MEGF10: variants seen among roughly 807,000 people sequenced by gnomAD.
MEGF10 encodes the protein multiple epidermal growth factor-like domains protein 10.
MEGF10 carries 86 observed loss-of-function variants against 147.5 expected under a neutral mutation model. The ratio of observed to expected loss-of-function variants is 0.58; its 90% CI spans 0.49 to 0.70. The LOEUF (loss-of-function observed/expected upper bound fraction) is 0.70. Ranked by LOEUF, MEGF10 falls within the 30% of genes least tolerant of loss-of-function variation. The pLI is 0.00. For missense variants in MEGF10, 1,329 were observed against 1,487.3 expected (o/e 0.89, Z 1.75); for synonymous variants, 478 against 525.5 (o/e 0.91, Z 1.24).
intron 13 of MEGF10, among the ~76,000 whole-genome samples, chr5:127,429,802 C>T (rs1765335037): frequency 6.6e-6 from 1 of 152,182 alleles, no homozygotes; most frequent in Non-Finnish European, 1.5e-5. Flanking sequence ...TTCCCAGGCT[C>T]AACATCTTCT....
chr5:127,343,018 G>A (rs771067122), intron 4 of MEGF10, among the ~76,000 whole-genome samples: 1 of 151,998 alleles, frequency 6.6e-6, no homozygotes, highest in Non-Finnish European at 1.5e-5. Flanking sequence ...GTTCTTGGAG[G>A]TGACTCCCAG....
At chr5:127,402,522 T>C (rs1764171426) in intron 7 of MEGF10, 24 bp from the exon 8 acceptor site, 1 of 1,603,852 alleles carries the variant, frequency 6.2e-7, no homozygotes, top group African/African-American at 1.3e-5. Flanking sequence ...GCCCATCTAA[T>C]TTTCCAAGTC....
chr5:127,262,301 A>AG, the MEGF10 span, among the ~76,000 whole-genome samples: 1 of 152,166 alleles, frequency 6.6e-6, no homozygotes, highest in Non-Finnish European at 1.5e-5. Flanking sequence ...GATGGAAGGA[A>AG]GGGGTCCAAC....
At chr5:127,420,251 C>A in intron 12 of MEGF10, 44 bp downstream of exon 12, 1 of 1,589,530 alleles carries the variant, frequency 6.3e-7, no homozygotes, top group South Asian at 1.1e-5. Context: ...CTATGAGGAA[C>A]TGATGTTGTA....
chr5:127,405,555 A>G (rs542988184), intron 8 of MEGF10, among the ~76,000 whole-genome samples: 44 of 152,240 alleles, frequency 2.9e-4, no homozygotes, highest in African/African-American at 9.6e-4. Flanking sequence ...ATCATCTACA[A>G]ATAAACATAA....
At chr5:127,325,633 T>C (rs889654605) in intron 1 of MEGF10, among the ~76,000 whole-genome samples, 7 of 152,016 alleles carry the variant, frequency 4.6e-5, no homozygotes, top group African/African-American at 1.7e-4. Context: ...CCATTTTCCA[T>C]GTGGGGCTGT....
In MEGF10 at chr5:127,335,787, A is replaced by G. The variant is rs192256998; in HGVS notation, c.117-3333A>G. ...TAAAACCTCCTGGAAACTGTAAAGA[A>G]GCACAACAACATGCTGTTGGTGGTT... On this transcript the variant is annotated intron_variant, in intron 2 of 24. Coordinates refer to ENST00000503335, the MANE Select transcript of MEGF10 (RefSeq NM_001256545.2). Among the ~76,000 whole-genome samples, 161 of 152,204 alleles carry G rather than the reference A, an allele frequency of 1.1e-3. 1 individual carries two copies. The highest frequency in any genetic ancestry group is 6.6e-4 in the Non-Finnish European group (45 of 67,996).
intron 1 of MEGF10, among the ~76,000 whole-genome samples, chr5:127,319,394 C>T (rs369251701): frequency 1.3e-5 from 2 of 152,048 alleles, no homozygotes; most frequent in African/African-American, 4.8e-5. Flanking sequence ...CTTCTTTAAA[C>T]TAGTTTTTCT....
At chr5:127,410,065 T>A (rs1169608270) in intron 8 of MEGF10, among the ~76,000 whole-genome samples, 2 of 152,266 alleles carry the variant, frequency 1.3e-5, no homozygotes, top group East Asian at 3.8e-4. Flanking sequence ...TCTTAGTATC[T>A]ACTAAAGTGC....
At chr5:127,262,022 A>C in the MEGF10 span, among the ~76,000 whole-genome samples, 1 of 152,170 alleles carries the variant, frequency 6.6e-6, no homozygotes, top group African/African-American at 2.4e-5. Flanking sequence ...ACCTTGTCAG[A>C]TACATGATTT....
At position 127,460,547 on chromosome 5, in the gene MEGF10, G is replaced by C. The variant is rs1580899327; in HGVS notation, c.*3229G>C. 1 of 152,230 alleles carries C rather than the reference G, an allele frequency of 6.6e-6. No homozygotes were observed. The highest frequency in any genetic ancestry group is 2.1e-4 in the South Asian group (1 of 4,822). The allele number at this position is 152,230 out of a possible 1,614,324, so 9.4% of individuals were successfully genotyped here. A position where few individuals can be genotyped will look rare whatever the true frequency, so the allele number is the denominator to read the frequency against. On this transcript the variant is annotated 3_prime_UTR_variant, in exon 25 of 25. Transcript: ENST00000503335. The stretch of plus-strand genomic sequence containing the variant: ...CATCAGCATAATGACTGTGTGTTCT[G>C]AGAAATGCAAACAACTTTATGAAAG...
chr5:127,319,461 A>C (rs1419224684), intron 1 of MEGF10, among the ~76,000 whole-genome samples: 1 of 152,148 alleles, frequency 6.6e-6, no homozygotes. Context: ...GTCTTTGTTT[A>C]GATTCATTCA....
the MEGF10 span, among the ~76,000 whole-genome samples, chr5:127,244,907 TAA>T: frequency 3.9e-5 from 6 of 152,026 alleles, no homozygotes. Context: ...TTTAGAAATG[TAA>T]AGACATGTTT....
At chr5:127,448,433 C>T (rs575539964) in intron 21 of MEGF10, among the ~76,000 whole-genome samples, 1 of 152,304 alleles carries the variant, frequency 6.6e-6, no homozygotes, top group East Asian at 1.9e-4. Context: ...CCCAGGTCTT[C>T]CCCACAATGC....
At chr5:127,444,230 A>C (rs1765858315) in intron 19 of MEGF10, among the ~76,000 whole-genome samples, 1 of 152,238 alleles carries the variant, frequency 6.6e-6, no homozygotes, top group Admixed American at 6.5e-5. Context: ...TAGAAAATTG[A>C]TACACTGTTG....
the MEGF10 span, among the ~76,000 whole-genome samples, chr5:127,246,537 G>C: frequency 1.3e-5 from 2 of 151,496 alleles, no homozygotes; most frequent in Non-Finnish European, 2.9e-5. Context: ...AAATTACCAT[G>C]GCACATGTAT....
intron 18 of MEGF10, among the ~76,000 whole-genome samples, chr5:127,441,751 G>A (rs1765763950): frequency 1.3e-5 from 2 of 152,052 alleles, no homozygotes; most frequent in South Asian, 4.2e-4. Context: ...CATAGGAGTG[G>A]TGTGGCCTGG....
rs771074779 is a variant in MEGF10 at position 127,433,408 on chromosome 5, A to G, written c.1739A>G (p.Asn580Ser). Residue 580 changes from asparagine to serine, a missense_variant, in exon 14 of 25, where the codon AAC becomes AGC. Physicochemically the swap from Asn to Ser is conservative, Grantham distance 46. Coordinates refer to ENST00000503335, the MANE Select transcript of MEGF10 (RefSeq NM_001256545.2). ...TGTGCTGAGGGACGCTGGGGCCCCA[A>G]CTGCTCCCTGCCCTGCTACTGTAAA... Reference protein sequence around the residue: ...SVCAEGRWGPNCSLPCYCKNG... With the variant: ...SVCAEGRWGPSCSLPCYCKNG... 51 of 1,614,028 alleles carry G rather than the reference A, an allele frequency of 3.2e-5. 1 individual carries two copies. The highest frequency in any genetic ancestry group is 2.8e-5 in the Non-Finnish European group (33 of 1,180,010).
At chr5:127,291,190 C>T (rs563548689) in intron 1 of MEGF10, 134 bp downstream of exon 1, 9 of 152,390 alleles carry the variant, frequency 5.9e-5, no homozygotes, top group Non-Finnish European at 1.2e-4. Flanking sequence ...GAGATGGGCT[C>T]AGTCTGCGTT....
Sources: allele counts gnomAD v4.1 joint callset (sites outside exome capture counted in the v4.1 genomes callset), GRCh38; gene constraint gnomAD v4.1.1; transcripts MANE v1.5; gene names NCBI Gene and HGNC (gene_info 2026-07-23, HGNC 2026-07-21).